The following SFMBT2 variants were observed in gnomAD, a reference collection of about 807,000 sequenced individuals.
The protein encoded by SFMBT2 is scm-like with four MBT domains protein 2.
SFMBT2 carries 38 observed loss-of-function variants against 110.1 expected under a neutral mutation model. The observed-to-expected ratio is 0.35, with a 90% CI of 0.27 to 0.45. The LOEUF (loss-of-function observed/expected upper bound fraction) is 0.45, where lower values mean the gene tolerates loss of function less well. SFMBT2 is among the 20% of genes least tolerant of loss of function. SFMBT2 has a pLI of 1.00. For missense variants in SFMBT2, 1,011 were observed against 1,094.9 expected, an observed-to-expected ratio of 0.92 and a Z score of 1.08; for synonymous variants, 425 against 425.4, an observed-to-expected ratio of 1.00 and a Z score of 0.01.
intron 7 of SFMBT2, among the ~76,000 whole-genome samples, chr10:7,254,752 C>T (rs1209860522): frequency 6.6e-6 from 1 of 152,006 alleles, no homozygotes. Flanking sequence ...CGCTTGAACC[C>T]GGGAGGTGGA....
At chr10:7,403,603 C>G (rs981786485) in intron 1 of SFMBT2, among the ~76,000 whole-genome samples, 1 of 152,196 alleles carries the variant, frequency 6.6e-6, no homozygotes, top group African/African-American at 2.4e-5. Context: ...GATCGCAGCA[C>G]TGCACTCCAG....
chr10:7,203,258 A>G (rs779330947), intron 12 of SFMBT2: 3 of 231,294 alleles, frequency 1.3e-5, no homozygotes, highest in Non-Finnish European at 2.1e-5. Flanking sequence ...ATGTGCAAGA[A>G]ATGCAAGCAA....
At chr10:7,220,708 ATT>A (rs371310437) in intron 10 of SFMBT2, among the ~76,000 whole-genome samples, 171 bp from the exon 11 acceptor site, 9 of 152,282 alleles carry the variant, frequency 5.9e-5, no homozygotes, top group African/African-American at 2.2e-4. Context: ...GGTGGTCTTC[ATT>A]TTTGTTTCCC....
At chr10:7,266,062 AGATAGTGGAACAGAGTGCG>A in intron 7 of SFMBT2, among the ~76,000 whole-genome samples, 1 of 152,010 alleles carries the variant, frequency 6.6e-6, no homozygotes, top group South Asian at 2.1e-4. Flanking sequence ...GCAGAAGGGG[AGATAGTGGAACAGAGTGCG>A]GTTTTCTTTC....
chr10:7,380,269 C>G (rs1260305086), intron 2 of SFMBT2, among the ~76,000 whole-genome samples: 1 of 152,172 alleles, frequency 6.6e-6, no homozygotes, highest in Non-Finnish European at 1.5e-5. Context: ...GCTTTACTTG[C>G]AGGAGAAGTC....
chr10:7,183,476 A>G (rs1279692624), intron 16 of SFMBT2, among the ~76,000 whole-genome samples: 1 of 152,252 alleles, frequency 6.6e-6, no homozygotes, highest in Non-Finnish European at 1.5e-5. Context: ...CCCAGAGTCC[A>G]CAGAAGATTA....
intron 4 of SFMBT2, among the ~76,000 whole-genome samples, chr10:7,326,398 T>C (rs956963929): frequency 1.3e-5 from 2 of 152,182 alleles, no homozygotes; most frequent in African/African-American, 4.8e-5. Flanking sequence ...GCCCAGGAAA[T>C]GCCAGCGGCA....
chr10:7,344,958 CAAA>C (rs35145669), intron 4 of SFMBT2, among the ~76,000 whole-genome samples: 1 of 53,242 alleles, frequency 1.9e-5, no homozygotes. Context: ...GACTCTGTCT[CAAA>C]AAAAAAAAAA....
chr10:7,220,618 TG>T (rs1839696121), intron 10 of SFMBT2, 81 bp from the exon 11 acceptor site: 1 of 1,435,968 alleles, frequency 7.0e-7, no homozygotes, highest in Non-Finnish European at 9.8e-7. Flanking sequence ...GAGAAAGAAA[TG>T]CACGCACACG....
At chr10:7,310,487 A>G (rs1270279145) in intron 4 of SFMBT2, among the ~76,000 whole-genome samples, 2 of 152,242 alleles carry the variant, frequency 1.3e-5, no homozygotes, top group African/African-American at 2.4e-5. Flanking sequence ...TAAAGGGTAC[A>G]TCTAAACATT....
rs758590667 is a variant in SFMBT2 at position 7,243,520 on chromosome 10, G to GA, written c.1120+37dup. ...TTCAATGACAGTAAGACACCCTCCT[G>GA]AATCTCCAGACCCTGCATACCTTCA... On this transcript the variant is annotated intron_variant, in intron 9 of 20. Coordinates refer to ENST00000397167, the MANE Select transcript of SFMBT2 (RefSeq NM_001387889.1). 2.0e-5 allele frequency: 17 copies of GA among 867,730 alleles called. No individual in the cohort carries two copies. In the Admixed American group the frequency reaches 2.9e-4, roughly 15 times the overall value. 53.8% of individuals were successfully genotyped at this position (867,730 alleles called of 1,614,324 possible).
At chr10:7,198,992 T>G (rs1251381540) in intron 14 of SFMBT2, among the ~76,000 whole-genome samples, 1 of 152,172 alleles carries the variant, frequency 6.6e-6, no homozygotes, top group African/African-American at 2.4e-5. Context: ...TTTTGTTTTG[T>G]TTTTGAGACA....
chr10:7,330,412 G>A (rs377539986), intron 4 of SFMBT2, among the ~76,000 whole-genome samples: 13 of 152,100 alleles, frequency 8.5e-5, no homozygotes, highest in African/African-American at 2.9e-4. Flanking sequence ...TTAATTAACC[G>A]CTTTCATCCC....
intron 1 of SFMBT2, among the ~76,000 whole-genome samples, chr10:7,391,453 G>A (rs1325051492): frequency 3.4e-5 from 5 of 147,054 alleles, no homozygotes; most frequent in South Asian, 2.1e-4. Flanking sequence ...GCAACAGAGC[G>A]AGACTCTGTC....
intron 4 of SFMBT2, among the ~76,000 whole-genome samples, chr10:7,352,473 C>T (rs957555455): frequency 1.3e-5 from 2 of 152,294 alleles, no homozygotes; most frequent in African/African-American, 4.8e-5. Context: ...CAGGCATGCA[C>T]CACCACACCT....
intron 9 of SFMBT2, among the ~76,000 whole-genome samples, chr10:7,233,853 T>C (rs2131691678): frequency 6.6e-6 from 1 of 152,342 alleles, no homozygotes; most frequent in Non-Finnish European, 1.5e-5. Context: ...CCCATGGCCC[T>C]GGCAGGGAGG....
chr10:7,381,949 C>T lies in SFMBT2; in HGVS notation c.-51G>A. 6.7e-7 allele frequency: 1 copy of T among 1,496,398 alleles called. No homozygotes were observed. The highest frequency in any genetic ancestry group is 9.0e-7 in the Non-Finnish European group (1 of 1,113,336). The allele number at this position is 1,496,398 out of a possible 1,614,324, so 92.7% of individuals were successfully genotyped here. On this transcript the variant is annotated splice_region_variant and 5_prime_UTR_variant, in exon 2 of 21. Coordinates refer to ENST00000397167, the MANE Select transcript of SFMBT2 (RefSeq NM_001387889.1). ...TTAATTCATCCTGCAGAAAAAATTA[C>T]CTAAGAGCAATCAAAAAAAAAAAAA...
At chr10:7,345,520 G>A (rs1327422842) in intron 4 of SFMBT2, among the ~76,000 whole-genome samples, 2 of 152,000 alleles carry the variant, frequency 1.3e-5, no homozygotes, top group Admixed American at 6.6e-5. Context: ...CACCACACCC[G>A]GCTAATTTTT....
intron 4 of SFMBT2, among the ~76,000 whole-genome samples, chr10:7,288,539 G>A (rs947099811): frequency 6.6e-6 from 1 of 151,998 alleles, no homozygotes; most frequent in Non-Finnish European, 1.5e-5. Context: ...TTCTTCAAAG[G>A]CTACACCCTT....
Sources: allele counts gnomAD v4.1 joint callset (sites outside exome capture counted in the v4.1 genomes callset), GRCh38; gene constraint gnomAD v4.1.1; transcripts MANE v1.5; gene names NCBI Gene and HGNC (gene_info 2026-07-23, HGNC 2026-07-21).